The following CACNG2 variants were observed in gnomAD, a reference collection of about 807,000 sequenced individuals.
The protein encoded by CACNG2 is voltage-dependent calcium channel gamma-2 subunit.
In CACNG2, 3 loss-of-function variants were observed where a neutral mutation model predicts 25.9. The observed-to-expected ratio is 0.12, with a 90% confidence interval of 0.05 to 0.30. The LOEUF (loss-of-function observed/expected upper bound fraction) is 0.30, where lower values mean the gene tolerates loss of function less well. Among genes scored for constraint, CACNG2 ranks in the 10% least tolerant of loss-of-function variants. The probability of loss-of-function intolerance (pLI) is 1.00; values close to 1 mark genes in which losing one functional copy is unlikely to be tolerated. For synonymous variants in CACNG2, 167 were observed against 173.3 expected (o/e 0.96, Z 0.29); for missense variants, 341 against 432.5 (o/e 0.79, Z 1.88).
At chr22:36,610,886 C>T (rs778084201) in intron 1 of CACNG2, among the ~76,000 whole-genome samples, 2 of 152,150 alleles carry the variant, frequency 1.3e-5, no homozygotes, top group South Asian at 2.1e-4. Context: ...AGAGTGGGCA[C>T]GGGGAAGACC....
intron 1 of CACNG2, among the ~76,000 whole-genome samples, chr22:36,659,192 CG>C (rs1037621663): frequency 1.6e-4 from 24 of 152,162 alleles, no homozygotes; most frequent in African/African-American, 5.5e-4. Context: ...TAAGGGAAAG[CG>C]GGAGGGTGGG....
intron 1 of CACNG2, among the ~76,000 whole-genome samples, chr22:36,649,334 C>T (rs539082833): frequency 3.3e-5 from 5 of 152,218 alleles, no homozygotes; most frequent in East Asian, 1.9e-4. Context: ...CTCTGTCACC[C>T]GGGCTGGAGT....
intron 2 of CACNG2, among the ~76,000 whole-genome samples, chr22:36,579,002 C>T (rs1886387921): frequency 6.6e-6 from 1 of 152,174 alleles, no homozygotes; most frequent in African/African-American, 2.4e-5. Flanking sequence ...CCTCGTCCTA[C>T]ATTCCCAGCC....
chr22:36,675,342 C>A (rs1937006793), intron 1 of CACNG2, among the ~76,000 whole-genome samples: 1 of 152,132 alleles, frequency 6.6e-6, no homozygotes, highest in South Asian at 2.1e-4. Context: ...CCATGCCTGG[C>A]TTAAATAAGG....
intron 1 of CACNG2, among the ~76,000 whole-genome samples, chr22:36,679,632 T>C (rs1303604867): frequency 6.6e-6 from 1 of 152,184 alleles, no homozygotes; most frequent in Non-Finnish European, 1.5e-5. Flanking sequence ...GAGGGAAGAC[T>C]GGAGAGAGCT....
At chr22:36,581,014 T>C (rs982464236) in intron 2 of CACNG2, among the ~76,000 whole-genome samples, 2 of 152,110 alleles carry the variant, frequency 1.3e-5, no homozygotes, top group East Asian at 1.9e-4. Context: ...GACAGATGCA[T>C]GGATGCACGC....
At chr22:36,565,501 TAC>T (rs1198959207) in intron 3 of CACNG2, among the ~76,000 whole-genome samples, 5 of 151,798 alleles carry the variant, frequency 3.3e-5, no homozygotes, top group African/African-American at 1.2e-4. Flanking sequence ...TTTTTTAAGA[TAC>T]AGTCTTGCTC....
intron 1 of CACNG2, among the ~76,000 whole-genome samples, chr22:36,648,621 G>T (rs1936563822): frequency 6.6e-6 from 1 of 152,162 alleles, no homozygotes; most frequent in Non-Finnish European, 1.5e-5. Context: ...GCCCCTGAGT[G>T]AACATCCATT....
chr22:36,625,747 G>C lies in CACNG2; in HGVS notation c.212-38199C>G, dbSNP rs562457111. Among the ~76,000 whole-genome samples the C allele has an allele frequency of 6.6e-5, 10 of 152,254 alleles. No homozygotes were observed. The East Asian group carries it at 1.9e-3, about 29-fold the overall frequency. The stretch of plus-strand genomic sequence containing the variant: ...ATAATTTTTCATAAAACCTTCAGAA[G>C]GTAATTTGACTGTATGTGCTTTTCT... On this transcript the variant is annotated intron_variant, in intron 1 of 3. Transcript: ENST00000300105.
intron 1 of CACNG2, among the ~76,000 whole-genome samples, chr22:36,592,063 T>A (rs1455422296): frequency 6.6e-6 from 1 of 151,634 alleles, no homozygotes; most frequent in South Asian, 2.1e-4. Flanking sequence ...TCTGGCCACA[T>A]TTGTGGCATG....
chr22:36,589,957 C>A (rs1935561419), intron 1 of CACNG2, among the ~76,000 whole-genome samples: 1 of 152,198 alleles, frequency 6.6e-6, no homozygotes, highest in Admixed American at 6.5e-5. Context: ...TCAATTCAAT[C>A]TGACAAATAT....
At chr22:36,594,807 G>A (rs1334191541) in intron 1 of CACNG2, among the ~76,000 whole-genome samples, 1 of 147,586 alleles carries the variant, frequency 6.8e-6, no homozygotes, top group Non-Finnish European at 1.5e-5. Flanking sequence ...TGTGTGCATG[G>A]ATGTGTGTCT....
At chr22:36,668,514 G>C (rs1936905297) in intron 1 of CACNG2, among the ~76,000 whole-genome samples, 1 of 151,346 alleles carries the variant, frequency 6.6e-6, no homozygotes, top group African/African-American at 2.4e-5. Flanking sequence ...TTTGAGATAG[G>C]ATCTTGCTCT....
intron 2 of CACNG2, among the ~76,000 whole-genome samples, chr22:36,585,908 A>C (rs1402977125): frequency 6.6e-6 from 1 of 152,258 alleles, no homozygotes; most frequent in Non-Finnish European, 1.5e-5. Flanking sequence ...TCTCTTCTTA[A>C]CAAAAAGCAT....
intron 1 of CACNG2, among the ~76,000 whole-genome samples, chr22:36,667,765 T>TTCGAGAAATTAGGTCACTGGGTG: frequency 6.6e-6 from 1 of 152,310 alleles, no homozygotes; most frequent in African/African-American, 2.4e-5. Flanking sequence ...GTGTTTCTCC[T>TTCGAGAAATTAGGTCACTGGGTG]TCGAGAAATT....
chr22:36,564,514 A>C lies in CACNG2; in HGVS notation c.809T>G (p.Met270Arg). ...CAGGGGGTCCCTGCTGAGCGTGTAC[A>C]TGGAGATCTCCGTGGACGGCAGGGT... is the stretch of plus-strand genomic sequence containing the variant. ...FNTLPSTEISMYTLSRDPLKA... is the reference protein window; with the variant it reads ...FNTLPSTEISRYTLSRDPLKA... The change falls in exon 4 of 4, where the codon ATG becomes AGG. Residue 270 changes from methionine (M) to arginine (R), a missense_variant. Around this residue, in one of 2 missense-constraint regions of CACNG2, gnomAD observed 172 missense variants for 178.1 expected, o/e 0.97. Coordinates refer to ENST00000300105, the MANE Select transcript of CACNG2 (RefSeq NM_006078.5). The surrounding 1 kb of genome is among the most constrained non-coding windows in gnomAD (Gnocchi z 6.7). 6.2e-7 allele frequency: 1 copy of C among 1,614,050 alleles called. No individual in the cohort carries two copies. Among genetic ancestry groups the C allele is most frequent in the Non-Finnish European group, 8.5e-7 (1 of 1,179,964 alleles).
chr22:36,639,654 T>C (rs1457678569), intron 1 of CACNG2, among the ~76,000 whole-genome samples: 1 of 152,208 alleles, frequency 6.6e-6, no homozygotes, highest in Non-Finnish European at 1.5e-5. Context: ...TGGTTACCCC[T>C]TTCCCCTCAA....
chr22:36,593,804 C>T (rs1299624763), intron 1 of CACNG2, among the ~76,000 whole-genome samples: 2 of 151,770 alleles, frequency 1.3e-5, no homozygotes, highest in Non-Finnish European at 2.9e-5. Context: ...GCTGGAGGAG[C>T]ACAGGGTCTC....
chr22:36,627,516 C>T (rs1052844361), intron 1 of CACNG2, among the ~76,000 whole-genome samples: 3 of 152,162 alleles, frequency 2.0e-5, no homozygotes, highest in African/African-American at 4.8e-5. Context: ...CTAGAGATAA[C>T]GGTGACCCAC....
Sources: allele counts gnomAD v4.1 joint callset (sites outside exome capture counted in the v4.1 genomes callset), GRCh38; gene constraint gnomAD v4.1.1; regional missense constraint gnomAD v4.1.1; non-coding constraint Gnocchi (gnomAD v3.1); transcripts MANE v1.5; gene names NCBI Gene and HGNC (gene_info 2026-07-23, HGNC 2026-07-21).